The following VAV2 variants were observed in gnomAD, a reference collection of about 807,000 sequenced individuals.
VAV2 encodes the protein vav guanine nucleotide exchange factor 2, also known as guanine nucleotide exchange factor VAV2.
In VAV2, 67 loss-of-function variants were observed where a neutral mutation model predicts 132.5. The ratio of observed to expected loss-of-function variants is 0.51; its 90% CI spans 0.42 to 0.62. The LOEUF is 0.62. Ranked by LOEUF, VAV2 falls within the 20% of genes least tolerant of loss-of-function variation. VAV2 has a pLI of 0.00. For synonymous variants in VAV2, 492 were observed against 443.5 expected, an observed-to-expected ratio of 1.11 and a Z score of -1.37; for missense variants, 938 against 1,153.6, an observed-to-expected ratio of 0.81 and a Z score of 2.71.
chr9:133,905,545 C>T (rs1445631311), intron 2 of VAV2, among the ~76,000 whole-genome samples: 1 of 152,186 alleles, frequency 6.6e-6, no homozygotes, highest in African/African-American at 2.4e-5. Flanking sequence ...CCCTTCTCCC[C>T]AGCTCCAGCT....
In VAV2 at chr9:133,823,067, G is replaced by A. The variant is rs1006998383; in HGVS notation, c.450-10851C>T. Among the ~76,000 whole-genome samples, 3 of 152,208 alleles carry A rather than the reference G, an allele frequency of 2.0e-5. No homozygotes were observed. Among genetic ancestry groups the A allele is most frequent in the Non-Finnish European group, 2.9e-5 (2 of 68,040 alleles). ...ACAGGAGCAGGGATTGTCGAACAGC[G>A]TATGGACCTATGGCTCAGATCCTCC... On this transcript the variant is annotated intron_variant, in intron 4 of 29. Transcript: ENST00000371850. The surrounding 1 kb of genome is among the most constrained non-coding windows in gnomAD (Gnocchi z 5.5).
chr9:133,788,365 C>A lies in VAV2; in HGVS notation c.1396G>T (p.Asp466Tyr). 1.2e-6 allele frequency: 2 copies of A among 1,608,434 alleles called. No homozygotes were observed. The highest frequency in any genetic ancestry group is 1.7e-6 in the Non-Finnish European group (2 of 1,175,272). Residue 466 changes from aspartate to tyrosine, a missense_variant, in exon 15 of 30, where the codon GAC becomes TAC. Transcript: ENST00000371850. The surrounding 1 kb of genome is among the most constrained non-coding windows in gnomAD (Gnocchi z 5.3). ...CCGGAAGGCCCCACCTTCTTGACGT[C>A]CTTGTTGTTCATGGGGTCGTCGGTC... ...KMTDDPMNNK[D>Y]VKKSHGKMWS...
chr9:133,815,322 T>C (rs1309530050), intron 4 of VAV2, among the ~76,000 whole-genome samples: 1 of 152,152 alleles, frequency 6.6e-6, no homozygotes, highest in African/African-American at 2.4e-5. Flanking sequence ...GTTCTCATAA[T>C]ATTTTTGCTA....
chr9:133,776,137 C>T (rs766041881), intron 23 of VAV2, 57 bp from the exon 24 acceptor site: 3 of 1,593,710 alleles, frequency 1.9e-6, no homozygotes, highest in African/African-American at 1.3e-5. Context: ...CAGAGCAGGG[C>T]TCAGAGGGGG....
At chr9:133,985,575 C>T (rs1038728916) in intron 1 of VAV2, among the ~76,000 whole-genome samples, 2 of 152,212 alleles carry the variant, frequency 1.3e-5, no homozygotes, top group Non-Finnish European at 2.9e-5. Flanking sequence ...AGCCATCGCG[C>T]CCGGCCCTGA....
At chr9:133,871,899 A>G (rs1838070287) in intron 2 of VAV2, among the ~76,000 whole-genome samples, 1 of 151,966 alleles carries the variant, frequency 6.6e-6, no homozygotes, top group Middle Eastern at 3.4e-3. Context: ...CTGAGCCCCC[A>G]GCAGGTGGTT....
intron 2 of VAV2, among the ~76,000 whole-genome samples, chr9:133,899,908 C>A (rs1839370520): frequency 6.6e-6 from 1 of 151,508 alleles, no homozygotes; most frequent in Admixed American, 6.6e-5. Context: ...GTAGTCCCAG[C>A]TACTTGGGAG....
intron 1 of VAV2, among the ~76,000 whole-genome samples, chr9:133,954,989 G>C (rs1317569939): frequency 6.6e-6 from 1 of 152,088 alleles, no homozygotes; most frequent in Non-Finnish European, 1.5e-5. Flanking sequence ...CTGTTTGCGT[G>C]CAATGAATGC....
rs1022459652 is a variant in VAV2, at chr9:133,812,296, C to T, written c.450-80G>A. On this transcript the variant is annotated intron_variant, in intron 4 of 29. Coordinates refer to ENST00000371850, the MANE Select transcript of VAV2 (RefSeq NM_001134398.2). ...GGGAGCCGCAGAGCACGAGGGTCCA[C>T]GAGGGACGCAGGCGGCTGGGGCCAC... is the stretch of plus-strand genomic sequence containing the variant. 8.4e-5 allele frequency: 120 copies of T among 1,424,718 alleles called. No individual in the cohort carries two copies. In the East Asian group the frequency reaches 2.4e-3, roughly 28 times the overall value. The allele number at this position is 1,424,718 out of a possible 1,614,324, so 88.3% of individuals were successfully genotyped here.
At chr9:133,917,045 T>C (rs73550707) in intron 2 of VAV2, among the ~76,000 whole-genome samples, 12,831 of 152,212 alleles carry the variant, frequency 0.084, 1,760 homozygotes, top group African/African-American at 0.29. Context: ...CTGTCCCCTG[T>C]ACATCCCACC....
intron 3 of VAV2, among the ~76,000 whole-genome samples, chr9:133,836,155 C>A (rs1564392851): frequency 6.6e-6 from 1 of 152,216 alleles, no homozygotes; most frequent in African/African-American, 2.4e-5. Flanking sequence ...CATGCCGACA[C>A]AGATCCCGCC....
chr9:133,803,828 C>G (rs1835031737), intron 9 of VAV2, among the ~76,000 whole-genome samples: 1 of 152,160 alleles, frequency 6.6e-6, no homozygotes, highest in South Asian at 2.1e-4. Context: ...CCTGGAAGCC[C>G]CTGCAGGACC....
chr9:133,828,727 T>A (rs1173267259), intron 4 of VAV2, among the ~76,000 whole-genome samples: 2 of 152,224 alleles, frequency 1.3e-5, no homozygotes, highest in Non-Finnish European at 2.9e-5. Flanking sequence ...TCTGATTCGT[T>A]ACAAACACCA....
intron 1 of VAV2, among the ~76,000 whole-genome samples, chr9:133,976,023 C>T (rs1350645992): frequency 7.1e-6 from 1 of 141,444 alleles, no homozygotes; most frequent in Non-Finnish European, 1.5e-5. Flanking sequence ...TGGTAAAACC[C>T]CATCTCTACT....
At chr9:133,904,898 A>G (rs903812116) in intron 2 of VAV2, among the ~76,000 whole-genome samples, 2 of 152,184 alleles carry the variant, frequency 1.3e-5, no homozygotes, top group Non-Finnish European at 2.9e-5. Flanking sequence ...CGTCCACCAT[A>G]CAGGGCCACA....
At chr9:133,898,150 T>A (rs1479950672) in intron 2 of VAV2, among the ~76,000 whole-genome samples, 4 of 152,122 alleles carry the variant, frequency 2.6e-5, no homozygotes, top group Non-Finnish European at 5.9e-5. Context: ...GAGATGGGCC[T>A]GCCCCGGGCT....
intron 2 of VAV2, among the ~76,000 whole-genome samples, chr9:133,888,167 C>G (rs977634746): frequency 6.6e-6 from 1 of 152,284 alleles, no homozygotes; most frequent in East Asian, 1.9e-4. Context: ...GGCAGACTCA[C>G]GCAGACAGCA....
intron 3 of VAV2, among the ~76,000 whole-genome samples, chr9:133,856,049 G>A (rs572626983): frequency 2.0e-4 from 31 of 152,334 alleles, no homozygotes; most frequent in Non-Finnish European, 4.3e-4. Context: ...GAGAAGCCAC[G>A]TGCGAAAGGC....
In VAV2 at chr9:133,961,081, C is replaced by A. The variant is rs1841951387; in HGVS notation, c.205-21862G>T. Among the ~76,000 whole-genome samples, 1 of 152,262 alleles carries A rather than the reference C, an allele frequency of 6.6e-6. No homozygotes were observed. The highest frequency in any genetic ancestry group is 1.5e-5 in the Non-Finnish European group (1 of 68,044). ...CCACTGGCCCACACCCGGCACACAT[C>A]ACGGGCGGCCCCAAGCTCTCCAGGT... On this transcript the variant is annotated intron_variant, in intron 1 of 29. Transcript: ENST00000371850. This position sits in a 1 kb window ranked among gnomAD's most constrained non-coding sequence, Gnocchi z 4.1.
Sources: gnomAD v4.1 joint callset for allele counts (sites outside exome capture counted in the v4.1 genomes callset) on GRCh38, gnomAD v4.1.1 for gene constraint, Gnocchi (gnomAD v3.1) non-coding constraint, MANE v1.5 for transcripts, NCBI Gene and HGNC (gene_info 2026-07-23, HGNC 2026-07-21) for gene names.